SCFD2: variants seen among roughly 807,000 people sequenced by gnomAD.
SCFD2 encodes the protein sec1 family domain-containing protein 2.
SCFD2 carries 54 observed loss-of-function variants against 58.9 expected under a neutral mutation model. The ratio of observed to expected loss-of-function variants is 0.92; its 90% confidence interval spans 0.74 to 1.15. SCFD2 has a LOEUF of 1.15. Ranked by LOEUF, SCFD2 falls within the 50% of genes most tolerant of loss-of-function variation. SCFD2 has a pLI of 0.00. For synonymous variants in SCFD2, 321 were observed against 335.9 expected (o/e 0.96, Z 0.49); for missense variants, 805 against 836.6 (o/e 0.96, Z 0.47).
chr4:53,155,526 G>A (rs1341006946), intron 4 of SCFD2, among the ~76,000 whole-genome samples: 8 of 152,182 alleles, frequency 5.3e-5, no homozygotes, highest in Admixed American at 5.2e-4. Flanking sequence ...TAGCAGCACA[G>A]AACAGACTAA....
intron 4 of SCFD2, among the ~76,000 whole-genome samples, chr4:53,225,841 A>C (rs2148999922): frequency 6.6e-6 from 1 of 152,266 alleles, no homozygotes; most frequent in East Asian, 1.9e-4. Flanking sequence ...ACTATTATCA[A>C]ATTTGGTGGC....
intron 5 of SCFD2, among the ~76,000 whole-genome samples, chr4:53,016,938 T>A (rs1367133094): frequency 6.6e-6 from 1 of 151,978 alleles, no homozygotes; most frequent in Non-Finnish European, 1.5e-5. Context: ...GAAACCCCGT[T>A]TCTACTAAAA....
chr4:52,918,035 G>A (rs1719648610), intron 6 of SCFD2, among the ~76,000 whole-genome samples: 1 of 152,070 alleles, frequency 6.6e-6, no homozygotes, highest in African/African-American at 2.4e-5. Context: ...GTCAGACCGG[G>A]AACAGGAACC....
intron 4 of SCFD2, among the ~76,000 whole-genome samples, chr4:53,215,221 TG>T (rs1452839331): frequency 1.3e-5 from 2 of 152,136 alleles, no homozygotes; most frequent in Admixed American, 1.3e-4. Context: ...GGGATGGCAT[TG>T]AATCTATAAA....
chr4:52,974,252 A>T (rs1037795629), intron 5 of SCFD2, among the ~76,000 whole-genome samples: 2 of 151,050 alleles, frequency 1.3e-5, no homozygotes, highest in African/African-American at 4.9e-5. Context: ...AGATGACATG[A>T]TTGTATATCT....
intron 8 of SCFD2, among the ~76,000 whole-genome samples, chr4:52,885,214 G>A (rs902331555): frequency 6.6e-6 from 1 of 152,154 alleles, no homozygotes; most frequent in African/African-American, 2.4e-5. Context: ...AATTGCCACA[G>A]TTGGGAGGTG....
At chr4:53,161,180 G>T (rs1480351995) in intron 4 of SCFD2, among the ~76,000 whole-genome samples, 2 of 152,128 alleles carry the variant, frequency 1.3e-5, no homozygotes, top group Non-Finnish European at 2.9e-5. Flanking sequence ...GCAAAAGAGG[G>T]GCTTCCAGGG....
intron 4 of SCFD2, among the ~76,000 whole-genome samples, chr4:53,183,508 T>C (rs889383950): frequency 1.3e-5 from 2 of 150,618 alleles, no homozygotes; most frequent in African/African-American, 2.4e-5. Flanking sequence ...TGTTGTGGGG[T>C]GGGGGAGTGG....
At chr4:53,333,579 T>C (rs1315640006) in intron 2 of SCFD2, among the ~76,000 whole-genome samples, 6 of 151,518 alleles carry the variant, frequency 4.0e-5, no homozygotes, top group African/African-American at 1.2e-4. Flanking sequence ...CCCTTCCTTA[T>C]ACCTTATACA....
intron 5 of SCFD2, among the ~76,000 whole-genome samples, chr4:52,990,340 T>C (rs1721590151): frequency 6.6e-6 from 1 of 152,240 alleles, no homozygotes; most frequent in Admixed American, 6.5e-5. Flanking sequence ...CTCATTCCAC[T>C]ATTACAATTA....
chr4:53,031,830 C>T (rs1199671779), intron 5 of SCFD2, among the ~76,000 whole-genome samples: 3 of 152,122 alleles, frequency 2.0e-5, no homozygotes, highest in South Asian at 2.1e-4. Flanking sequence ...CTGAAAGTGA[C>T]GAGGAGAATG....
chr4:53,176,959 AAAAAAG>A (rs1360998906), intron 4 of SCFD2, among the ~76,000 whole-genome samples: 38 of 152,066 alleles, frequency 2.5e-4, no homozygotes, highest in Non-Finnish European at 4.9e-4. Flanking sequence ...AAAAAAAAAA[AAAAAAG>A]AAAGAAAAAA....
chr4:53,062,417 G>A (rs539491373), intron 5 of SCFD2, among the ~76,000 whole-genome samples: 1 of 140,220 alleles, frequency 7.1e-6, no homozygotes, highest in Non-Finnish European at 1.5e-5. Context: ...AATAATAATA[G>A]TCTCTCATTA....
At chr4:53,191,689 G>T (rs1191324613) in intron 4 of SCFD2, among the ~76,000 whole-genome samples, 2 of 152,190 alleles carry the variant, frequency 1.3e-5, no homozygotes, top group Non-Finnish European at 2.9e-5. Context: ...ATAGGCGTGA[G>T]CCACCGCGCC....
At chr4:53,353,280 G>T (rs1734290032) in intron 1 of SCFD2, among the ~76,000 whole-genome samples, 2 of 151,982 alleles carry the variant, frequency 1.3e-5, no homozygotes, top group East Asian at 3.9e-4. Flanking sequence ...CTCCTCTGGG[G>T]TTGTTCATCC....
intron 5 of SCFD2, among the ~76,000 whole-genome samples, chr4:53,124,876 C>A (rs1577749878): frequency 6.6e-6 from 1 of 152,150 alleles, no homozygotes; most frequent in East Asian, 1.9e-4. Flanking sequence ...TCTCAAGGAA[C>A]TTAATTAATA....
chr4:53,336,799 A>G (rs1481817), intron 2 of SCFD2, among the ~76,000 whole-genome samples: 109,925 of 152,094 alleles, frequency 0.72, 39,947 homozygotes, highest in Middle Eastern at 0.8. Context: ...ACAGGCATGA[A>G]CCACTGCACC....
chr4:53,308,254 A>T (rs1343855921), intron 3 of SCFD2, among the ~76,000 whole-genome samples: 2 of 152,212 alleles, frequency 1.3e-5, no homozygotes, highest in African/African-American at 4.8e-5. Flanking sequence ...AATAAAAGTT[A>T]ATTCCCTTCC....
intron 4 of SCFD2, among the ~76,000 whole-genome samples, chr4:53,179,763 G>A (rs182026774): frequency 5.1e-4 from 78 of 152,206 alleles, no homozygotes; most frequent in African/African-American, 1.5e-3. Context: ...CCCATCTCAC[G>A]TGCAGAGACA....
Sources: gnomAD v4.1 joint callset for allele counts (sites outside exome capture counted in the v4.1 genomes callset) on GRCh38, gnomAD v4.1.1 for gene constraint, MANE v1.5 for transcripts, NCBI Gene and HGNC (gene_info 2026-07-23, HGNC 2026-07-21) for gene names.